The following DLG3 variants were observed in gnomAD, a reference collection of about 807,000 sequenced individuals.
DLG3 encodes the protein disks large homolog 3.
DLG3 carries 1 observed loss-of-function variant against 64.1 expected under a neutral mutation model. The observed-to-expected ratio is 0.02, with a 90% confidence interval of 0.01 to 0.07. The LOEUF is 0.07. Among genes scored for constraint, DLG3 ranks in the 10% least tolerant of loss-of-function variants. DLG3 has a pLI of 1.00. For missense variants in DLG3, 429 were observed against 669.5 expected (o/e 0.64, Z 3.96); for synonymous variants, 245 against 259.8 (o/e 0.94, Z 0.55).
chrX:70,465,034 C>A (rs897974982), intron 9 of DLG3, among the ~76,000 whole-genome samples: 2 of 111,672 alleles, frequency 1.8e-5, no homozygotes, highest in Admixed American at 9.5e-5. Flanking sequence ...ACATTAGGGG[C>A]CTAAGTAGAC....
chrX:70,504,027 G>A lies in DLG3; in HGVS notation c.*1758G>A, dbSNP rs1037782580. On this transcript the variant is annotated 3_prime_UTR_variant, in exon 19 of 19. Coordinates refer to ENST00000374360, the MANE Select transcript of DLG3 (RefSeq NM_021120.4). ...CTTTAAGCACTACCAGCCGAATCCG[G>A]GAACTCTGTTAACAGTTGTCCAACC... The A allele has an allele frequency of 8.9e-6, 1 of 111,984 alleles. No homozygotes were observed. Among genetic ancestry groups the A allele is most frequent in the African/African-American group, 3.3e-5 (1 of 30,686 alleles). 9.2% of individuals were successfully genotyped at this position (111,984 alleles called of 1,213,427 possible). A position where few individuals can be genotyped will look rare whatever the true frequency, so the allele number is the denominator to read the frequency against.
intron 9 of DLG3, among the ~76,000 whole-genome samples, chrX:70,457,721 G>A (rs1377546605): frequency 1.9e-5 from 2 of 105,538 alleles, no homozygotes; most frequent in East Asian, 3.1e-4. Context: ...ACAGGTGCTC[G>A]CCACCACGCC....
In DLG3 at chrX:70,505,407, CCTT is replaced by C. The variant is rs1262424121; in HGVS notation, c.*3140_*3142del. ...CATTGCAGCTGATCATGCCTTGACT[CCTT>C]CATCTCTAACAGAGGAAGAACTGTA... On this transcript the variant is annotated 3_prime_UTR_variant, in exon 19 of 19. Transcript: ENST00000374360. The C allele has an allele frequency of 8.9e-6, 1 of 112,291 alleles. No individual in the cohort carries two copies. The highest frequency in any genetic ancestry group is 3.2e-5 in the African/African-American group (1 of 30,880). The allele number at this position is 112,291 out of a possible 1,213,427, so 9.3% of individuals were successfully genotyped here.
At chrX:70,497,081 C>T in intron 13 of DLG3, 1 of 877,006 alleles carries the variant, frequency 1.1e-6, no homozygotes, top group Non-Finnish European at 1.7e-6. Flanking sequence ...ACTCAGTTGG[C>T]AGCTCAGTGT....
chrX:70,455,053 G>A (rs1358719984), intron 9 of DLG3: 165 of 672,920 alleles, frequency 2.5e-4, no homozygotes, highest in Non-Finnish European at 2.9e-4. Flanking sequence ...CGCATGCCCC[G>A]CCCCCTGACC....
chrX:70,497,302 C>A, intron 13 of DLG3: 1 of 966,595 alleles, frequency 1.0e-6, no homozygotes. Flanking sequence ...GCACAGCTGC[C>A]ATTGCTGCTC....
chrX:70,452,050 C>T, intron 7 of DLG3, 24 bp downstream of exon 7: 1 of 1,207,451 alleles, frequency 8.3e-7, no homozygotes, highest in Non-Finnish European at 1.1e-6. Context: ...CCCAACATCC[C>T]ATTCAATCTA....
At position 70,462,047 on chromosome X, in the gene DLG3, C is replaced by CCA. The variant is rs375937213; in HGVS notation, c.1405+7732_1405+7733insAC. On this transcript the variant is annotated intron_variant, in intron 9 of 18. Transcript: ENST00000374360. ...ATTAGCAATCACTCCTCATCCCCCC[C>CCA]CCACCGCCCCCCCAGCCCTAGGCAA... Among the ~76,000 whole-genome samples, 380 of 91,610 alleles carry CCA rather than the reference C, an allele frequency of 4.1e-3. 2 individuals carry two copies. The highest frequency in any genetic ancestry group is 0.014 in the African/African-American group (359 of 25,044). 79.6% of individuals were successfully genotyped at this position (91,610 alleles called of 115,157 possible). A position where few individuals can be genotyped will look rare whatever the true frequency, so the allele number is the denominator to read the frequency against.
At chrX:70,446,342 C>A (rs1046884097) in intron 1 of DLG3, among the ~76,000 whole-genome samples, 1 of 105,730 alleles carries the variant, frequency 9.5e-6, no homozygotes, top group Non-Finnish European at 1.9e-5. Context: ...AGGCGAGAGA[C>A]ATGTCCCAAG....
Position 70,503,995 on chromosome X carries a change from G to A in DLG3, c.*1726G>A, listed in dbSNP as rs2087612241. 2 of 111,945 alleles carry A rather than the reference G, an allele frequency of 1.8e-5. No individual in the cohort carries two copies. The highest frequency in any genetic ancestry group is 3.3e-5 in the African/African-American group (1 of 30,718). 9.2% of individuals were successfully genotyped at this position (111,945 alleles called of 1,213,427 possible). ...GGGCTGGTGCAAGCGAGGCAATGTT[G>A]AGGATGCTTTAAGCACTACCAGCCG... On this transcript the variant is annotated 3_prime_UTR_variant, in exon 19 of 19. Transcript: ENST00000374360.
intron 9 of DLG3, among the ~76,000 whole-genome samples, chrX:70,456,773 A>G (rs1362302590): frequency 9.0e-6 from 1 of 110,570 alleles, no homozygotes; most frequent in African/African-American, 3.3e-5. Flanking sequence ...TCCCCTTTTG[A>G]AAACAGATCC....
chrX:70,495,547 G>A, intron 13 of DLG3, 94 bp downstream of exon 13: 1 of 858,998 alleles, frequency 1.2e-6, no homozygotes, highest in Non-Finnish European at 1.7e-6. Context: ...GGTGAAGGGT[G>A]AGGGGAGGGC....
At chrX:70,493,333 T>G in intron 12 of DLG3, 1 of 1,112,688 alleles carries the variant, frequency 9.0e-7, no homozygotes, top group Admixed American at 2.3e-5. Context: ...TCTGTTTTTT[T>G]TTTTCTTCTG....
At chrX:70,450,578 G>C in intron 5 of DLG3, 61 bp from the exon 6 acceptor site, 4 of 1,183,721 alleles carry the variant, frequency 3.4e-6, no homozygotes, top group Non-Finnish European at 3.4e-6. Flanking sequence ...GGCATCCCTC[G>C]AGTTCCCTGG....
chrX:70,483,134 A>G (rs990738021), intron 10 of DLG3, among the ~76,000 whole-genome samples: 1 of 110,335 alleles, frequency 9.1e-6, no homozygotes. Flanking sequence ...AAAGTTTTTA[A>G]TTAGCCAGGT....
chrX:70,453,614 C>T lies in DLG3; in HGVS notation c.1146-23C>T, dbSNP rs28391150. 213,692 of 1,202,579 alleles carry T rather than the reference C, an allele frequency of 0.18. 14,093 individuals carry two copies. Among genetic ancestry groups the T allele is most frequent in the Non-Finnish European group, 0.19 (172,457 of 891,517 alleles). Reference sequence around the variant, plus strand: ...ACAGTCCATATCTACCTAGTCCTGACTCCTCCACTCCTTTCCCACCAGAGA... The same window carrying T: ...ACAGTCCATATCTACCTAGTCCTGATTCCTCCACTCCTTTCCCACCAGAGA... On this transcript the variant is annotated intron_variant, in intron 7 of 18. Coordinates refer to ENST00000374360, the MANE Select transcript of DLG3 (RefSeq NM_021120.4).
At chrX:70,487,802 C>T (rs2147862735) in intron 10 of DLG3, among the ~76,000 whole-genome samples, 1 of 109,089 alleles carries the variant, frequency 9.2e-6, no homozygotes, top group East Asian at 2.9e-4. Flanking sequence ...CAGGCATGCA[C>T]CACCATACCC....
rs777487721 is a variant in DLG3, at chrX:70,450,752, C to T, written c.954C>T (p.Asn318=). ...KVAKPGSLHL[N]DMYAPPDYAS... is the part of the protein sequence containing the mutation. ...CCAAGCCAGGCAGCCTCCACCTCAA[C>T]GACATGTACGCTCCCCCTGACTACG... The change falls in exon 6 of 19, where the codon AAC becomes AAT. Residue 318 remains asparagine, a synonymous_variant. Transcript: ENST00000374360. 69 of 1,209,788 alleles carry T rather than the reference C, an allele frequency of 5.7e-5. No homozygotes were observed. The highest frequency in any genetic ancestry group is 7.6e-5 in the Non-Finnish European group (68 of 895,233).
intron 10 of DLG3, among the ~76,000 whole-genome samples, chrX:70,482,757 G>A (rs1012077910): frequency 7.3e-5 from 7 of 96,119 alleles, no homozygotes; most frequent in Admixed American, 1.3e-4. Context: ...TACAAGCTCC[G>A]CCTCCTGGGT....
Sources: gnomAD v4.1 joint callset for allele counts (sites outside exome capture counted in the v4.1 genomes callset) on GRCh38, gnomAD v4.1.1 for gene constraint, MANE v1.5 for transcripts, NCBI Gene and HGNC (gene_info 2026-07-23, HGNC 2026-07-21) for gene names.